Variants in SESTD1 observed in about 807,000 individuals in gnomAD.
SESTD1 encodes the protein SEC14 and spectrin domain containing 1, also known as SEC14 domain and spectrin repeat-containing protein 1.
SESTD1 carries 43 observed loss-of-function variants against 101.7 expected under a neutral mutation model. The ratio of observed to expected loss-of-function variants is 0.42; its 90% CI spans 0.33 to 0.55. The LOEUF (loss-of-function observed/expected upper bound fraction) is 0.55. Ranked by LOEUF, SESTD1 falls within the 20% of genes least tolerant of loss-of-function variation. The probability of loss-of-function intolerance (pLI) is 0.07; values close to 1 mark genes in which losing one functional copy is unlikely to be tolerated. For missense variants in SESTD1, 647 were observed against 815.1 expected, an observed-to-expected ratio of 0.79 and a Z score of 2.51; for synonymous variants, 283 against 286.8, an observed-to-expected ratio of 0.99 and a Z score of 0.13.
At chr2:179,118,189 T>C (rs527920171) in intron 13 of SESTD1, among the ~76,000 whole-genome samples, 1 of 152,328 alleles carries the variant, frequency 6.6e-6, no homozygotes, top group South Asian at 2.1e-4. Flanking sequence ...CCTAAAATAA[T>C]ATTTAATTCT....
intron 1 of SESTD1, among the ~76,000 whole-genome samples, chr2:179,229,335 C>T (rs561544953): frequency 2.8e-4 from 42 of 152,104 alleles, no homozygotes; most frequent in Non-Finnish European, 4.4e-4. Context: ...CTCTATCTGC[C>T]TTATAGCTTG....
At chr2:179,208,173 G>A (rs1252973819) in intron 1 of SESTD1, among the ~76,000 whole-genome samples, 2 of 133,602 alleles carry the variant, frequency 1.5e-5, no homozygotes, top group East Asian at 2.0e-4. Flanking sequence ...ATCCAAAAAC[G>A]ACAAAAAAGA....
At chr2:179,221,592 C>T (rs2046816258) in intron 1 of SESTD1, among the ~76,000 whole-genome samples, 1 of 150,570 alleles carries the variant, frequency 6.6e-6, no homozygotes, top group Non-Finnish European at 1.5e-5. Flanking sequence ...GCACTCCAGC[C>T]TGGGTGACAG....
intron 1 of SESTD1, among the ~76,000 whole-genome samples, chr2:179,228,647 T>C (rs374554319): frequency 6.6e-6 from 1 of 152,162 alleles, no homozygotes; most frequent in Non-Finnish European, 1.5e-5. Flanking sequence ...TCAACTGAAA[T>C]GAAGTTTCAT....
At chr2:179,230,950 C>G (rs2046978563) in intron 1 of SESTD1, among the ~76,000 whole-genome samples, 2 of 152,010 alleles carry the variant, frequency 1.3e-5, no homozygotes, top group African/African-American at 4.8e-5. Context: ...ACAAAAGATT[C>G]AAGCAACTTA....
intron 1 of SESTD1, among the ~76,000 whole-genome samples, chr2:179,241,608 A>G (rs1253609228): frequency 7.4e-6 from 1 of 135,046 alleles, no homozygotes; most frequent in Non-Finnish European, 1.6e-5. Flanking sequence ...TTGGCAATAT[A>G]GCAAGACTCT....
chr2:179,243,848 C>T (rs890320709), intron 1 of SESTD1, among the ~76,000 whole-genome samples: 2 of 151,602 alleles, frequency 1.3e-5, no homozygotes, highest in African/African-American at 4.9e-5. Context: ...ACCCTAACTT[C>T]AGCATCATGC....
intron 5 of SESTD1, among the ~76,000 whole-genome samples, chr2:179,162,137 A>G (rs2045747798): frequency 6.6e-6 from 1 of 152,156 alleles, no homozygotes; most frequent in African/African-American, 2.4e-5. Flanking sequence ...TAATAGAGAA[A>G]GTCACCAAAC....
chr2:179,161,432 G>A (rs1407375126), intron 5 of SESTD1, among the ~76,000 whole-genome samples: 1 of 152,078 alleles, frequency 6.6e-6, no homozygotes, highest in Non-Finnish European at 1.5e-5. Context: ...GGAGGCCAAG[G>A]CGAGTGGATC....
chr2:179,233,348 T>C (rs1331512175), intron 1 of SESTD1, among the ~76,000 whole-genome samples: 3 of 152,166 alleles, frequency 2.0e-5, no homozygotes, highest in Non-Finnish European at 4.4e-5. Flanking sequence ...AAACCAGACT[T>C]CCTACTGTTA....
At chr2:179,135,588 T>C (rs1032934623) in intron 9 of SESTD1, among the ~76,000 whole-genome samples, 1 of 151,960 alleles carries the variant, frequency 6.6e-6, no homozygotes, top group African/African-American at 2.4e-5. Flanking sequence ...ACCCTGTCTC[T>C]ACTAAAAATA....
At chr2:179,149,267 G>T in intron 7 of SESTD1, 30 bp downstream of exon 7, 1 of 1,451,804 alleles carries the variant, frequency 6.9e-7, no homozygotes, top group Non-Finnish European at 9.5e-7. Context: ...AGTTTTGCAA[G>T]GATATAATTG....
At chr2:179,172,492 A>C (rs930005912) in intron 4 of SESTD1, among the ~76,000 whole-genome samples, 9 of 152,228 alleles carry the variant, frequency 5.9e-5, no homozygotes, top group African/African-American at 2.2e-4. Flanking sequence ...GTTTTACTGA[A>C]TCTCTGTACT....
rs921639495 is a variant in SESTD1, at chr2:179,106,870, AT to A, written c.*3028del. The A allele has an allele frequency of 7.2e-5, 11 of 152,210 alleles. No individual in the cohort carries two copies. The highest frequency in any genetic ancestry group is 2.6e-4 in the African/African-American group (11 of 41,540). The allele number at this position is 152,210 out of a possible 1,614,324, so 9.4% of individuals were successfully genotyped here. Reference sequence around the variant, plus strand: ...TTTGCATAACTCTGCTGGGTTAGACATGTGCGAAGAACAGATGCCAAACTGC... The same window carrying A: ...TTTGCATAACTCTGCTGGGTTAGACAGTGCGAAGAACAGATGCCAAACTGC... On this transcript the variant is annotated 3_prime_UTR_variant, in exon 18 of 18. Coordinates refer to ENST00000428443, the MANE Select transcript of SESTD1 (RefSeq NM_178123.5).
intron 5 of SESTD1, among the ~76,000 whole-genome samples, chr2:179,163,845 T>C (rs2045786086): frequency 6.6e-6 from 1 of 152,018 alleles, no homozygotes; most frequent in South Asian, 2.1e-4. Flanking sequence ...TTTGTGCAGG[T>C]TTTCTTTAAT....
At chr2:179,240,585 A>G (rs1230049357) in intron 1 of SESTD1, among the ~76,000 whole-genome samples, 1 of 152,146 alleles carries the variant, frequency 6.6e-6, no homozygotes, top group Non-Finnish European at 1.5e-5. Flanking sequence ...CCCCAACAAA[A>G]GCCGCCAGTC....
At position 179,147,512 on chromosome 2, in the gene SESTD1, C is replaced by T. The variant is rs141884955; in HGVS notation, c.582-1055G>A. Among the ~76,000 whole-genome samples, 462 of 152,178 alleles carry T rather than the reference C, an allele frequency of 3.0e-3. 5 individuals are homozygous for T. The highest frequency in any genetic ancestry group is 0.011 in the African/African-American group (445 of 41,526). Reference sequence around the variant, plus strand: ...GAGTAGCTGGGACTACAGGTGCGTGCCACCACGCCTGGCTAATGTTTGTAT... The same window carrying T: ...GAGTAGCTGGGACTACAGGTGCGTGTCACCACGCCTGGCTAATGTTTGTAT... On this transcript the variant is annotated intron_variant, in intron 7 of 17. Transcript: ENST00000428443.
At chr2:179,111,629 T>C (rs187249151) in intron 17 of SESTD1, among the ~76,000 whole-genome samples, 23 of 152,302 alleles carry the variant, frequency 1.5e-4, no homozygotes, top group African/African-American at 4.8e-4. Context: ...GGTTACTCTA[T>C]CATTTGAATT....
intron 9 of SESTD1, among the ~76,000 whole-genome samples, chr2:179,139,259 G>A (rs183210070): frequency 3.0e-4 from 45 of 152,084 alleles, no homozygotes; most frequent in African/African-American, 9.6e-4. Flanking sequence ...CATCACCCCT[G>A]CAATTTGTAC....
Sources: allele counts gnomAD v4.1 joint callset (sites outside exome capture counted in the v4.1 genomes callset), GRCh38; gene constraint gnomAD v4.1.1; transcripts MANE v1.5; gene names NCBI Gene and HGNC (gene_info 2026-07-23, HGNC 2026-07-21).